SCARF2: variants seen among roughly 807,000 people sequenced by gnomAD.
SCARF2 encodes scavenger receptor class F member 2, also known as scavenger receptor expressed by endothelial cells 2 protein.
A neutral mutation model predicts 73.4 loss-of-function variants in SCARF2; 39 were observed. The ratio of observed to expected loss-of-function variants is 0.53; its 90% CI spans 0.41 to 0.69. The LOEUF (loss-of-function observed/expected upper bound fraction) is 0.69. SCARF2 is among the 30% of genes least tolerant of loss of function. The probability of loss-of-function intolerance (pLI) is 0.00; values close to 1 mark genes in which losing one functional copy is unlikely to be tolerated. For missense variants in SCARF2, 1,148 were observed against 1,303.5 expected (o/e 0.88, Z 1.84); for synonymous variants, 605 against 590.0 (o/e 1.03, Z -0.37).
At chr22:20,426,466 C>T (rs2052579741) in intron 10 of SCARF2, among the ~76,000 whole-genome samples, 184 bp from the exon 11 acceptor site, 1 of 152,238 alleles carries the variant, frequency 6.6e-6, no homozygotes, top group Admixed American at 6.5e-5. Flanking sequence ...TCAGGCTATG[C>T]GGCTGACTCT....
chr22:20,430,897 C>T lies in SCARF2; in HGVS notation c.866G>A (p.Cys289Tyr). The T allele has an allele frequency of 6.3e-7, 1 of 1,597,042 alleles. No individual in the cohort carries two copies. Among genetic ancestry groups the T allele is most frequent in the Non-Finnish European group, 8.5e-7 (1 of 1,175,708 alleles). ...CACCGTGCACGGCTGCTGGCCCTTG[C>T]ACTGGCCACACCTGGGGGAGGGGTC... ...GLGCRRRCGQCKGQQPCTVAE... is the reference protein window; with the variant it reads ...GLGCRRRCGQYKGQQPCTVAE... Residue 289 changes from cysteine to tyrosine, a missense_variant, in exon 5 of 11, where the codon TGC becomes TAC. Coordinates refer to ENST00000622235, the MANE Select transcript of SCARF2 (RefSeq NM_182895.5).
intron 1 of SCARF2, among the ~76,000 whole-genome samples, chr22:20,436,858 C>A (rs2052705837): frequency 6.6e-6 from 1 of 152,170 alleles, no homozygotes; most frequent in Non-Finnish European, 1.5e-5. Context: ...CGGACTCGCC[C>A]CCCCACCGGC....
chr22:20,429,706 A>G lies in SCARF2; in HGVS notation c.1306+24T>C. 6.2e-7 allele frequency: 1 copy of G among 1,613,798 alleles called. No individual in the cohort carries two copies. The highest frequency in any genetic ancestry group is 8.5e-7 in the Non-Finnish European group (1 of 1,179,892). On this transcript the variant is annotated intron_variant, in intron 7 of 10. Coordinates refer to ENST00000622235, the MANE Select transcript of SCARF2 (RefSeq NM_182895.5). The surrounding 1 kb of genome is among the most constrained non-coding windows in gnomAD (Gnocchi z 5.2). ...TTTCTGGCACCCCCTGCATTCCTTA[A>G]CGGGACGCCCCTCATCCACTTACCT...
Sources: allele counts gnomAD v4.1 joint callset (sites outside exome capture counted in the v4.1 genomes callset), GRCh38; gene constraint gnomAD v4.1.1; non-coding constraint Gnocchi (gnomAD v3.1); transcripts MANE v1.5; gene names NCBI Gene and HGNC (gene_info 2026-07-23, HGNC 2026-07-21).